Variants in YTHDC2 observed in about 807,000 individuals in gnomAD.
The protein encoded by YTHDC2 is 3'-5' RNA helicase YTHDC2.
Under a neutral mutation model 174.9 loss-of-function variants are expected in YTHDC2, and 45 were observed. The ratio of observed to expected loss-of-function variants is 0.26; its 90% CI spans 0.20 to 0.33. The LOEUF (loss-of-function observed/expected upper bound fraction) is 0.33. YTHDC2 is among the 10% of genes least tolerant of loss of function. The pLI is 1.00. For synonymous variants in YTHDC2, 657 were observed against 574.5 expected (o/e 1.14, Z -2.05); for missense variants, 1,650 against 1,723.7 (o/e 0.96, Z 0.76).
chr5:113,545,727 C>CTTTTT (rs1561654277), intron 10 of YTHDC2, among the ~76,000 whole-genome samples: 1 of 80,368 alleles, frequency 1.2e-5, no homozygotes, highest in African/African-American at 1.0e-4. Context: ...AATTGATCTC[C>CTTTTT]ATTTTTTTTT....
intron 4 of YTHDC2, among the ~76,000 whole-genome samples, chr5:113,527,951 T>C (rs898093335): frequency 6.6e-6 from 1 of 152,138 alleles, no homozygotes; most frequent in Admixed American, 6.6e-5. Context: ...CCACCACGCC[T>C]GACCCAGCAT....
intron 9 of YTHDC2, among the ~76,000 whole-genome samples, 177 bp downstream of exon 9, chr5:113,541,293 G>A (rs978634956): frequency 6.6e-6 from 1 of 151,468 alleles, no homozygotes; most frequent in Non-Finnish European, 1.5e-5. Context: ...CCGGGTTCAC[G>A]CCATTCTCCT....
At chr5:113,554,618 C>T (rs1468802381) in intron 16 of YTHDC2, among the ~76,000 whole-genome samples, 1 of 151,908 alleles carries the variant, frequency 6.6e-6, no homozygotes, top group Non-Finnish European at 1.5e-5. Context: ...CTACTTTTAC[C>T]TTTTCTCTAT....
At chr5:113,541,201 T>C in intron 9 of YTHDC2, 85 bp downstream of exon 9, 1 of 1,510,536 alleles carries the variant, frequency 6.6e-7, no homozygotes, top group Non-Finnish European at 9.0e-7. Context: ...AATTTTTTTT[T>C]TTTTTTTTGA....
At chr5:113,530,912 G>C (rs117051835) in intron 4 of YTHDC2, among the ~76,000 whole-genome samples, 4,373 of 152,194 alleles carry the variant, frequency 0.029, 92 homozygotes, top group East Asian at 0.09. Flanking sequence ...ATCTGAGAAA[G>C]TCTTCATTTC....
At chr5:113,563,253 C>T (rs1182866804) in intron 18 of YTHDC2, 120 bp from the exon 19 acceptor site, 1 of 801,662 alleles carries the variant, frequency 1.2e-6, no homozygotes, top group African/African-American at 1.7e-5. Context: ...TTCTACTGTT[C>T]ATTCTAATCA....
At chr5:113,517,475 A>T (rs1369785574) in intron 2 of YTHDC2, 1 of 448,010 alleles carries the variant, frequency 2.2e-6, no homozygotes, top group Admixed American at 2.4e-5. Flanking sequence ...GTCATGTAAG[A>T]GCTGATCTGG....
At chr5:113,522,174 T>C (rs1773920496) in intron 2 of YTHDC2, among the ~76,000 whole-genome samples, 1 of 150,612 alleles carries the variant, frequency 6.6e-6, no homozygotes, top group Admixed American at 6.6e-5. Context: ...TTGTTGTTTG[T>C]TTTTAAGAGA....
chr5:113,541,575 T>C (rs532908972), intron 9 of YTHDC2, among the ~76,000 whole-genome samples: 1 of 152,274 alleles, frequency 6.6e-6, no homozygotes, highest in African/African-American at 2.4e-5. Flanking sequence ...AGAGCAACTT[T>C]CTACTCTTTA....
At chr5:113,562,664 G>A (rs1777072964) in intron 18 of YTHDC2, among the ~76,000 whole-genome samples, 1 of 151,988 alleles carries the variant, frequency 6.6e-6, no homozygotes, top group Admixed American at 6.6e-5. Flanking sequence ...AGCTTTCACA[G>A]GTATCTACTC....
At chr5:113,591,707 C>T (rs917197677) in intron 27 of YTHDC2, among the ~76,000 whole-genome samples, 16 of 151,942 alleles carry the variant, frequency 1.1e-4, no homozygotes, top group Non-Finnish European at 2.2e-4. Flanking sequence ...TAGAGGTTAG[C>T]TTGTATCCAT....
At chr5:113,548,015 G>A (rs115593945) in intron 10 of YTHDC2, among the ~76,000 whole-genome samples, 407 of 152,226 alleles carry the variant, frequency 2.7e-3, no homozygotes, top group African/African-American at 9.4e-3. Context: ...TAAACTTTCT[G>A]TCAGTGTTAA....
chr5:113,521,420 G>T (rs1773850732), intron 2 of YTHDC2, among the ~76,000 whole-genome samples: 1 of 152,124 alleles, frequency 6.6e-6, no homozygotes, highest in Admixed American at 6.5e-5. Flanking sequence ...CTTCAATTTA[G>T]CTTATAGTTC....
chr5:113,552,091 T>C (rs1776285942), intron 12 of YTHDC2, among the ~76,000 whole-genome samples: 1 of 152,160 alleles, frequency 6.6e-6, no homozygotes, highest in South Asian at 2.1e-4. Flanking sequence ...CATCAGAATA[T>C]TGTTTATAGT....
rs772780403 is a variant in YTHDC2 at position 113,586,251 on chromosome 5, G to T, written c.3825+1772G>T. On this transcript the variant is annotated intron_variant, in intron 26 of 29. Transcript: ENST00000161863. ...TATAGTTTTAATTTGTATTTTCCCA[G>T]TTACTAATGATGTTGAGCATCTTTT... Among the ~76,000 whole-genome samples the T allele has an allele frequency of 2.6e-5, 4 of 152,008 alleles. No individual in the cohort carries two copies. In the East Asian group the frequency reaches 5.8e-4, roughly 22 times the overall value.
In YTHDC2 at chr5:113,526,811, GAAAAAAAA is replaced by G; in HGVS notation, c.675+35_675+42del. On this transcript the variant is annotated intron_variant, in intron 4 of 29. Coordinates refer to ENST00000161863, the MANE Select transcript of YTHDC2 (RefSeq NM_022828.5). ...GTTTGTTTCTTTTTTGTTGTTTATA[GAAAAAAAA>G]AAAAAAAATATATATATATATATAT... 8 of 259,446 alleles carry G rather than the reference GAAAAAAAA, an allele frequency of 3.1e-5. No homozygotes were observed. In the East Asian group the frequency reaches 5.1e-4, roughly 17 times the overall value. The allele number at this position is 259,446 out of a possible 1,614,324, so 16.1% of individuals were successfully genotyped here.
At chr5:113,562,115 A>G (rs538734010) in intron 18 of YTHDC2, among the ~76,000 whole-genome samples, 17 of 151,220 alleles carry the variant, frequency 1.1e-4, no homozygotes, top group African/African-American at 4.1e-4. Context: ...CCCAACCCTT[A>G]AAGAGAGGCA....
intron 8 of YTHDC2, among the ~76,000 whole-genome samples, chr5:113,540,001 A>T (rs1775341105): frequency 6.6e-6 from 1 of 152,138 alleles, no homozygotes; most frequent in African/African-American, 2.4e-5. Flanking sequence ...TCCTCATCTC[A>T]AGGGATCCTC....
chr5:113,531,174 T>G (rs2112573462), intron 4 of YTHDC2, among the ~76,000 whole-genome samples: 1 of 151,860 alleles, frequency 6.6e-6, no homozygotes, highest in Non-Finnish European at 1.5e-5. Flanking sequence ...TTTAAAATAT[T>G]TGTTGGTGGT....
Sources: gnomAD v4.1 joint callset for allele counts (sites outside exome capture counted in the v4.1 genomes callset) on GRCh38, gnomAD v4.1.1 for gene constraint, MANE v1.5 for transcripts, NCBI Gene and HGNC (gene_info 2026-07-23, HGNC 2026-07-21) for gene names.